Variants in SSH2 observed in about 807,000 individuals in gnomAD.
SSH2 encodes protein phosphatase Slingshot homolog 2.
Under a neutral mutation model 135.2 loss-of-function variants are expected in SSH2, and 37 were observed. The ratio of observed to expected loss-of-function variants is 0.27; its 90% CI spans 0.21 to 0.36. SSH2 has a LOEUF of 0.36. Ranked by LOEUF, SSH2 falls within the 10% of genes least tolerant of loss-of-function variation. SSH2 has a pLI of 1.00. For synonymous variants in SSH2, 628 were observed against 646.2 expected, an observed-to-expected ratio of 0.97 and a Z score of 0.43; for missense variants, 1,408 against 1,765.3, an observed-to-expected ratio of 0.80 and a Z score of 3.63.
In SSH2 at chr17:29,793,923, C is replaced by T. The variant is rs562434551; in HGVS notation, c.159G>A (p.Gly53=). The T allele has an allele frequency of 1.2e-6, 2 of 1,613,320 alleles. No individual in the cohort carries two copies. Among genetic ancestry groups the T allele is most frequent in the Admixed American group, 1.7e-5 (1 of 59,994 alleles). The part of the protein sequence containing the change: ...IFTDSNEADS[G]EEECRSQPRS... ...TGGGCTGTGACCGGCATTCTTCCTCCCCACTGTCTGCCTCCTGTATAGACA... is the reference window on the plus strand; with the variant it reads ...TGGGCTGTGACCGGCATTCTTCCTCTCCACTGTCTGCCTCCTGTATAGACA... The change falls in exon 3 of 16, where the codon GGG becomes GGA. Residue 53 remains glycine (G), a synonymous_variant. Transcript: ENST00000540801.
chr17:29,770,619 T>G (rs1418195645), intron 3 of SSH2, among the ~76,000 whole-genome samples: 1 of 151,952 alleles, frequency 6.6e-6, no homozygotes, highest in Non-Finnish European at 1.5e-5. Flanking sequence ...ACTACAGGTG[T>G]GCACCACCAC....
At chr17:29,642,570 C>G (rs904410063) in intron 14 of SSH2, among the ~76,000 whole-genome samples, 1 of 151,562 alleles carries the variant, frequency 6.6e-6, no homozygotes, top group Non-Finnish European at 1.5e-5. Flanking sequence ...CAGACACCAC[C>G]CCCCCCACCG....
At chr17:29,831,580 T>G (rs957218561) in intron 2 of SSH2, among the ~76,000 whole-genome samples, 47 of 151,710 alleles carry the variant, frequency 3.1e-4, no homozygotes, top group Middle Eastern at 3.2e-3. Flanking sequence ...TTTATCTTTT[T>G]TTTTTTTTTT....
intron 12 of SSH2, among the ~76,000 whole-genome samples, chr17:29,653,309 A>G (rs890156360): frequency 6.6e-6 from 1 of 152,220 alleles, no homozygotes; most frequent in Non-Finnish European, 1.5e-5. Flanking sequence ...AATTCTTCAC[A>G]TATTAAAATT....
chr17:29,738,797 G>C lies in SSH2; in HGVS notation c.189-35735C>G, dbSNP rs577936058. On this transcript the variant is annotated intron_variant, in intron 3 of 15. Coordinates refer to ENST00000540801, the MANE Select transcript of SSH2 (RefSeq NM_001282129.2). ...TCTCAATCTACTGACCTTGTGATCC[G>C]CCCGCCCCGGCCTCCCAAAGTGCTG... 2.8e-4 allele frequency among the ~76,000 whole-genome samples: 42 copies of C among 151,766 alleles called. 2 individuals are homozygous for C.
chr17:29,845,022 GC>G (rs2043108233), intron 2 of SSH2, among the ~76,000 whole-genome samples: 1 of 151,846 alleles, frequency 6.6e-6, no homozygotes, highest in Non-Finnish European at 1.5e-5. Context: ...TTCTCTAAGG[GC>G]CCCTACTCCC....
intron 3 of SSH2, among the ~76,000 whole-genome samples, chr17:29,737,013 G>A (rs370840035): frequency 7.4e-6 from 1 of 135,396 alleles, no homozygotes; most frequent in South Asian, 2.4e-4. Context: ...GCAGAAAAAT[G>A]GCGTGAACCC....
At chr17:29,661,481 C>T (rs1321535783) in intron 11 of SSH2, among the ~76,000 whole-genome samples, 1 of 152,146 alleles carries the variant, frequency 6.6e-6, no homozygotes, top group Non-Finnish European at 1.5e-5. Flanking sequence ...TGCTGAAGTT[C>T]CATTTAGGAA....
At chr17:29,782,585 G>A (rs1295187663) in intron 3 of SSH2, among the ~76,000 whole-genome samples, 2 of 151,822 alleles carry the variant, frequency 1.3e-5, no homozygotes, top group Non-Finnish European at 2.9e-5. Flanking sequence ...GATCAGAGTT[G>A]TTTTTTGTTT....
At chr17:29,899,762 A>G (rs188526885) in intron 1 of SSH2, among the ~76,000 whole-genome samples, 2 of 152,346 alleles carry the variant, frequency 1.3e-5, no homozygotes, top group East Asian at 3.9e-4. Context: ...GACTTTCTTC[A>G]CAGAATTGGA....
intron 3 of SSH2, among the ~76,000 whole-genome samples, chr17:29,723,594 A>G (rs1264752377): frequency 6.6e-6 from 1 of 152,158 alleles, no homozygotes; most frequent in Non-Finnish European, 1.5e-5. Flanking sequence ...CATGGCAGGA[A>G]TGGAAATGGC....
Position 29,695,527 on chromosome 17 carries a change from G to C in SSH2, c.293-4C>G, listed in dbSNP as rs2038690918. 6.2e-7 allele frequency: 1 copy of C among 1,606,878 alleles called. No individual in the cohort carries two copies. The highest frequency in any genetic ancestry group is 1.1e-5 in the South Asian group (1 of 90,160). ...TGGAGATGCTGTTGGAGATCGCCTG[G>C]TGAAATTTACAAACCAAAGGATAAT... On this transcript the variant is annotated splice_polypyrimidine_tract_variant and splice_region_variant and intron_variant, in intron 4 of 15. Transcript: ENST00000540801.
intron 9 of SSH2, 78 bp downstream of exon 9, chr17:29,671,857 T>G: frequency 8.1e-7 from 1 of 1,240,340 alleles, no homozygotes; most frequent in Non-Finnish European, 1.1e-6. Context: ...AGAGAAAAGA[T>G]TAGGGAGGAA....
rs917415285 is a variant in SSH2, at chr17:29,843,068, A to G, written c.144+5781T>C. Among the ~76,000 whole-genome samples the G allele has an allele frequency of 1.5e-4, 23 of 152,246 alleles. 1 individual carries two copies. The highest frequency in any genetic ancestry group is 2.0e-4 in the Admixed American group (3 of 15,286). ...AACAGAAAATACACATGGTACAGAT[A>G]GCAGAAACGAAGAGAGTAAATACAA... On this transcript the variant is annotated intron_variant, in intron 2 of 15. Transcript: ENST00000540801.
chr17:29,919,594 A>G (rs569328963), intron 1 of SSH2, among the ~76,000 whole-genome samples: 30 of 152,284 alleles, frequency 2.0e-4, no homozygotes, highest in African/African-American at 5.5e-4. Context: ...CACTCACTAA[A>G]TACTTCTGAT....
At position 29,695,516 on chromosome 17, in the gene SSH2, G is replaced by T. The variant is rs1245363566; in HGVS notation, c.300C>A (p.Leu100=). 1 of 1,609,688 alleles carries T rather than the reference G, an allele frequency of 6.2e-7. No individual in the cohort carries two copies. The highest frequency in any genetic ancestry group is 8.5e-7 in the Non-Finnish European group (1 of 1,177,918). Residue 100 remains leucine, a synonymous_variant, in exon 5 of 16, where the codon CTC becomes CTA. Transcript: ENST00000540801. ...SHRRNKHAGD[L]QQHLQAMFIL... is the part of the protein sequence containing the mutation. Reference sequence around the variant, plus strand: ...TGAACATTGCTTGGAGATGCTGTTGGAGATCGCCTGGTGAAATTTACAAAC... The same window carrying T: ...TGAACATTGCTTGGAGATGCTGTTGTAGATCGCCTGGTGAAATTTACAAAC...
intron 1 of SSH2, among the ~76,000 whole-genome samples, chr17:29,849,205 C>T (rs895641330): frequency 6.6e-5 from 10 of 152,006 alleles, no homozygotes; most frequent in African/African-American, 2.4e-4. Context: ...GCTAGCCGGG[C>T]ACAGTGGCTC....
intron 1 of SSH2, among the ~76,000 whole-genome samples, chr17:29,908,137 A>G (rs1395944277): frequency 6.6e-6 from 1 of 152,066 alleles, no homozygotes; most frequent in African/African-American, 2.4e-5. Flanking sequence ...TAATTACTTT[A>G]TAATCCTTTC....
At chr17:29,838,227 T>C (rs1027135804) in intron 2 of SSH2, among the ~76,000 whole-genome samples, 1 of 152,224 alleles carries the variant, frequency 6.6e-6, no homozygotes, top group African/African-American at 2.4e-5. Flanking sequence ...AGCACTGACA[T>C]GCCAGCCCCC....
Sources: gnomAD v4.1 joint callset for allele counts (sites outside exome capture counted in the v4.1 genomes callset) on GRCh38, gnomAD v4.1.1 for gene constraint, MANE v1.5 for transcripts, NCBI Gene and HGNC (gene_info 2026-07-23, HGNC 2026-07-21) for gene names.